NFIA: variants seen among roughly 807,000 people sequenced by gnomAD.
NFIA encodes the protein nuclear factor I A.
NFIA carries 8 observed loss-of-function variants against 62.8 expected under a neutral mutation model. The observed-to-expected ratio is 0.13, with a 90% CI of 0.07 to 0.23. The LOEUF is 0.23. Ranked by LOEUF, NFIA falls within the 10% of genes least tolerant of loss-of-function variation. The pLI is 1.00. For synonymous variants in NFIA, 235 were observed against 238.1 expected (o/e 0.99, Z 0.12); for missense variants, 410 against 642.1 (o/e 0.64, Z 3.91).
At chr1:61,344,946 A>G (rs1662137324) in intron 4 of NFIA, among the ~76,000 whole-genome samples, 1 of 152,186 alleles carries the variant, frequency 6.6e-6, no homozygotes, top group Non-Finnish European at 1.5e-5. Flanking sequence ...CCAACTACTA[A>G]TGTGTACAGA....
intron 7 of NFIA, among the ~76,000 whole-genome samples, chr1:61,397,851 G>A (rs1320274298): frequency 6.6e-6 from 1 of 152,224 alleles, no homozygotes; most frequent in African/African-American, 2.4e-5. Context: ...ACACACGGAT[G>A]TGGTCAGCCA....
chr1:61,199,859 G>T (rs1188509683), intron 2 of NFIA, among the ~76,000 whole-genome samples: 1 of 151,268 alleles, frequency 6.6e-6, no homozygotes, highest in Non-Finnish European at 1.5e-5. Context: ...GCCGGGCGTG[G>T]TTGTGCGTGC....
chr1:61,337,609 GT>G (rs1661680916), intron 4 of NFIA, among the ~76,000 whole-genome samples: 1 of 152,184 alleles, frequency 6.6e-6, no homozygotes, highest in African/African-American at 2.4e-5. Context: ...AATCACTAAA[GT>G]TGTTTTAGCA....
chr1:61,325,672 A>G (rs1189991130), intron 3 of NFIA, among the ~76,000 whole-genome samples: 1 of 152,076 alleles, frequency 6.6e-6, no homozygotes, highest in Admixed American at 6.5e-5. Context: ...TAATCCCAGC[A>G]CTTTGGGAGG....
intron 2 of NFIA, among the ~76,000 whole-genome samples, chr1:61,125,901 C>G (rs1385435254): frequency 1.3e-5 from 2 of 152,146 alleles, no homozygotes; most frequent in Non-Finnish European, 2.9e-5. Flanking sequence ...CCCTGAAAGC[C>G]TCTGCTTAAA....
intron 3 of NFIA, among the ~76,000 whole-genome samples, chr1:61,286,876 T>C (rs1658534984): frequency 6.6e-6 from 1 of 152,220 alleles, no homozygotes; most frequent in South Asian, 2.1e-4. Context: ...AAGTGAATTA[T>C]GCAGATATTA....
chr1:61,175,762 A>G (rs544452619), intron 2 of NFIA, among the ~76,000 whole-genome samples: 2 of 152,326 alleles, frequency 1.3e-5, no homozygotes, highest in East Asian at 3.9e-4. Context: ...TGCCTTCTGC[A>G]AGTGTCTCTT....
chr1:61,434,925 C>A (rs1366092565), intron 10 of NFIA, among the ~76,000 whole-genome samples: 1 of 151,954 alleles, frequency 6.6e-6, no homozygotes, highest in African/African-American at 2.4e-5. Flanking sequence ...AAAAGGGGGA[C>A]AGAAAATGAT....
chr1:61,353,417 C>T (rs1275953215), intron 5 of NFIA, among the ~76,000 whole-genome samples: 1 of 152,050 alleles, frequency 6.6e-6, no homozygotes, highest in Non-Finnish European at 1.5e-5. Flanking sequence ...ATAACCTGTA[C>T]CAGAGGGAAA....
Position 61,455,342 on chromosome 1 carries a change from C to T in NFIA, c.*22C>T. 1.2e-6 allele frequency: 2 copies of T among 1,614,134 alleles called. No individual in the cohort carries two copies. The highest frequency in any genetic ancestry group is 1.7e-6 in the Non-Finnish European group (2 of 1,179,998). On this transcript the variant is annotated 3_prime_UTR_variant, in exon 11 of 11. Coordinates refer to ENST00000403491, the MANE Select transcript of NFIA (RefSeq NM_001134673.4). The stretch of plus-strand genomic sequence containing the variant: ...ATAAAAGTTGCAGCGTCCCACCATC[C>T]ACCAGACAGACCACCTGACCCCTTC...
Position 61,426,487 on chromosome 1 carries a change from C to G in NFIA, c.1443C>G (p.Ser481=). 1.3e-6 allele frequency: 2 copies of G among 1,551,984 alleles called. No individual in the cohort carries two copies. The highest frequency in any genetic ancestry group is 1.7e-6 in the Non-Finnish European group (2 of 1,147,042). ...TSPTYSTPST[S]PANRFVSVGP... ...CAGCCTACTCGACACCCAGCACCTC[C>G]CCCGCAAACCGATTCGTCAGTGTTG... The change falls in exon 10 of 11, where the codon TCC becomes TCG. Residue 481 remains serine, a synonymous_variant. Coordinates refer to ENST00000403491, the MANE Select transcript of NFIA (RefSeq NM_001134673.4).
intron 2 of NFIA, among the ~76,000 whole-genome samples, chr1:61,138,252 C>T (rs529211077): frequency 1.7e-3 from 255 of 152,156 alleles, no homozygotes; most frequent in Non-Finnish European, 2.8e-3. Flanking sequence ...CACGCCACCA[C>T]GTAGGGCTAA....
chr1:61,317,988 G>T (rs1483665530), intron 3 of NFIA, among the ~76,000 whole-genome samples: 2 of 152,002 alleles, frequency 1.3e-5, no homozygotes, highest in Non-Finnish European at 2.9e-5. Flanking sequence ...CTGTAATACT[G>T]CCCCTCCTAC....
intron 2 of NFIA, among the ~76,000 whole-genome samples, chr1:61,119,074 A>G (rs1288816588): frequency 6.6e-6 from 1 of 152,222 alleles, no homozygotes; most frequent in African/African-American, 2.4e-5. Context: ...AAAAATTATT[A>G]CAATAAATTA....
At chr1:61,258,105 T>C (rs989029448) in intron 2 of NFIA, among the ~76,000 whole-genome samples, 1 of 152,228 alleles carries the variant, frequency 6.6e-6, no homozygotes, top group Non-Finnish European at 1.5e-5. Context: ...ATTGATATTC[T>C]GAATATACCT....
rs551688412 is a variant in NFIA at position 61,374,648 on chromosome 1, C to T, written c.947-8589C>T. On this transcript the variant is annotated intron_variant, in intron 6 of 10. Transcript: ENST00000403491. ...TGAATAATCCATGTAATTTTTACTC[C>T]ATACTCCCATTTTTTAAAAACTGAA... is the stretch of plus-strand genomic sequence containing the variant. Among the ~76,000 whole-genome samples, 24 of 152,234 alleles carry T rather than the reference C, an allele frequency of 1.6e-4. No individual in the cohort carries two copies. The South Asian group carries it at 4.4e-3, about 28-fold the overall frequency.
intron 2 of NFIA, among the ~76,000 whole-genome samples, chr1:61,107,158 GTTTC>G (rs1473303000): frequency 6.6e-6 from 1 of 151,176 alleles, no homozygotes; most frequent in Non-Finnish European, 1.5e-5. Context: ...GTGTGTAAAA[GTTTC>G]TTTATGGTAT....
chr1:61,426,047 C>T (rs903106635), intron 9 of NFIA, among the ~76,000 whole-genome samples: 3 of 152,130 alleles, frequency 2.0e-5, no homozygotes, highest in African/African-American at 4.8e-5. Flanking sequence ...AAGAGTGTAA[C>T]GGTGTGAAAA....
In NFIA at chr1:61,301,188, A is replaced by G. The variant is rs557295932; in HGVS notation, c.625+23603A>G. 6.6e-5 allele frequency among the ~76,000 whole-genome samples: 10 copies of G among 152,272 alleles called. No homozygotes were observed. In the South Asian group the frequency reaches 2.1e-3, roughly 32 times the overall value. On this transcript the variant is annotated intron_variant, in intron 3 of 10. Transcript: ENST00000403491. ...GGGTGATATGCTAACAGTCAGTGCTATTCAAGTAGATAGACTAAAGGATTT... is the reference window on the plus strand; with the variant it reads ...GGGTGATATGCTAACAGTCAGTGCTGTTCAAGTAGATAGACTAAAGGATTT...
Sources: gnomAD v4.1 joint callset for allele counts (sites outside exome capture counted in the v4.1 genomes callset) on GRCh38, gnomAD v4.1.1 for gene constraint, MANE v1.5 for transcripts, NCBI Gene and HGNC (gene_info 2026-07-23, HGNC 2026-07-21) for gene names.